The following F8 variants were observed in gnomAD, a reference collection of about 807,000 sequenced individuals.
The protein encoded by F8 is antihemophilic factor.
F8 carries 12 observed loss-of-function variants against 140.6 expected under a neutral mutation model. The ratio of observed to expected loss-of-function variants is 0.09; its 90% CI spans 0.05 to 0.14. F8 has a LOEUF of 0.14. Ranked by LOEUF, F8 falls within the 10% of genes least tolerant of loss-of-function variation. F8 has a pLI of 1.00. For synonymous variants in F8, 585 were observed against 614.6 expected (o/e 0.95, Z 0.71); for missense variants, 1,354 against 1,720.7 (o/e 0.79, Z 3.77).
At chrX:154,878,981 T>C (rs1316616626) in intron 22 of F8, among the ~76,000 whole-genome samples, 1 of 112,344 alleles carries the variant, frequency 8.9e-6, no homozygotes, top group Non-Finnish European at 1.9e-5. Flanking sequence ...TGCTGAAAGA[T>C]ATTAGAGACA....
At chrX:154,984,839 G>T in intron 5 of F8, 36 bp from the exon 6 acceptor site, 1 of 1,051,014 alleles carries the variant, frequency 9.5e-7, no homozygotes, top group Admixed American at 2.2e-5. Flanking sequence ...AGTCAGCTAA[G>T]CATGTGTCTC....
chrX:154,911,042 T>C (rs1463411928), intron 14 of F8, among the ~76,000 whole-genome samples: 1 of 109,332 alleles, frequency 9.1e-6, no homozygotes, highest in East Asian at 2.9e-4. Context: ...GTTCACATGT[T>C]TTCCTGCTGA....
At chrX:154,851,126 G>A (rs2072612093) in intron 25 of F8, among the ~76,000 whole-genome samples, 1 of 111,964 alleles carries the variant, frequency 8.9e-6, no homozygotes, top group Non-Finnish European at 1.9e-5. Flanking sequence ...TGCTATTCTG[G>A]GTATTTCATA....
intron 25 of F8, among the ~76,000 whole-genome samples, chrX:154,848,030 T>C (rs1261786905): frequency 1.8e-5 from 2 of 112,805 alleles, no homozygotes; most frequent in Non-Finnish European, 3.8e-5. Flanking sequence ...TGCAGGTCTG[T>C]TGGAGTTTGC....
intron 16 of F8, 22 bp downstream of exon 16, chrX:154,904,789 A>G: frequency 1.7e-6 from 2 of 1,198,721 alleles, no homozygotes; most frequent in Non-Finnish European, 2.3e-6. Context: ...AAAAGTGGTC[A>G]GCACAATAGA....
intron 4 of F8, among the ~76,000 whole-genome samples, chrX:154,988,969 C>T (rs1557284461): frequency 8.9e-6 from 1 of 112,120 alleles, no homozygotes; most frequent in Non-Finnish European, 1.9e-5. Flanking sequence ...GTAATTTCCA[C>T]CCCTTTTACT....
intron 22 of F8, among the ~76,000 whole-genome samples, chrX:154,866,900 T>C (rs782286249): frequency 1.4e-4 from 15 of 110,336 alleles, no homozygotes; most frequent in Non-Finnish European, 2.7e-4. Context: ...TGGAAATAAC[T>C]GACAAAACTA....
chrX:154,947,839 T>C lies in F8; in HGVS notation c.1972A>G (p.Ile658Val). 1 of 1,210,977 alleles carries C rather than the reference T, an allele frequency of 8.3e-7. No homozygotes were observed. Among genetic ancestry groups the C allele is most frequent in the Non-Finnish European group, 1.1e-6 (1 of 894,846 alleles). Residue 658 changes from isoleucine (I) to valine (V), a missense_variant, in exon 13 of 26, where the codon ATT (isoleucine) becomes GTT (valine). Coordinates refer to ENST00000360256, the MANE Select transcript of F8 (RefSeq NM_000132.4). ...TCAGTCTGTGCTCCAATGCTTAGAA[T>C]GTACCAGTATGCCACCTCATGCAAA... The part of the protein sequence containing the change: ...VCLHEVAYWY[I>V]LSIGAQTDFL...
In F8 at chrX:154,865,492, G is replaced by T. The variant is rs946074001; in HGVS notation, c.6430-2265C>A. On this transcript the variant is annotated intron_variant, in intron 22 of 25. Transcript: ENST00000360256. ...ATTTATAAATTAAAAGACAAAAATA[G>T]TAATAGTAACTATAGTGACAGAAAT... 3.1e-4 allele frequency among the ~76,000 whole-genome samples: 34 copies of T among 110,988 alleles called. 1 individual carries two copies. Among genetic ancestry groups the T allele is most frequent in the Admixed American group, 2.0e-3 (21 of 10,394 alleles).
chrX:154,963,059 C>T (rs2073405004), intron 9 of F8, among the ~76,000 whole-genome samples: 1 of 111,855 alleles, frequency 8.9e-6, no homozygotes, highest in African/African-American at 3.3e-5. Flanking sequence ...GTCATTCTTC[C>T]TATCCATGAG....
At chrX:154,992,034 C>T (rs2073590882) in intron 4 of F8, among the ~76,000 whole-genome samples, 1 of 111,949 alleles carries the variant, frequency 8.9e-6, no homozygotes, top group South Asian at 3.8e-4. Context: ...TATAAGAAGT[C>T]TGGCTACCCT....
intron 13 of F8, among the ~76,000 whole-genome samples, chrX:154,943,774 C>G (rs1339337187): frequency 8.9e-6 from 1 of 111,758 alleles, no homozygotes; most frequent in Non-Finnish European, 1.9e-5. Context: ...AACTATGCTA[C>G]AAGGCTACAG....
intron 1 of F8, 72 bp from the exon 2 acceptor site, chrX:154,999,672 T>A: frequency 8.0e-6 from 9 of 1,126,338 alleles, no homozygotes; most frequent in African/African-American, 7.1e-5. Flanking sequence ...AATGCTTCCA[T>A]ACTACTCTTT....
At chrX:155,021,245 T>C (rs2073758926) in intron 1 of F8, among the ~76,000 whole-genome samples, 1 of 111,250 alleles carries the variant, frequency 9.0e-6, no homozygotes, top group African/African-American at 3.3e-5. Context: ...TATGTGAATA[T>C]ATATTATCAT....
At chrX:154,977,915 G>A (rs2073496547) in intron 6 of F8, among the ~76,000 whole-genome samples, 1 of 110,310 alleles carries the variant, frequency 9.1e-6, no homozygotes, top group Non-Finnish European at 1.9e-5. Flanking sequence ...TCACTTTATA[G>A]TGCCTAATAT....
intron 25 of F8, among the ~76,000 whole-genome samples, chrX:154,840,031 CA>C (rs1557271258): frequency 2.7e-5 from 3 of 111,985 alleles, no homozygotes; most frequent in African/African-American, 9.7e-5. Context: ...TGCATTAAAT[CA>C]GGGGGCATGC....
chrX:154,947,142 G>A (rs1028574649), intron 13 of F8, among the ~76,000 whole-genome samples: 9 of 104,759 alleles, frequency 8.6e-5, no homozygotes, highest in Middle Eastern at 4.9e-3. Flanking sequence ...GGAGAATGGC[G>A]TGAACCCGGG....
chrX:154,967,413 T>G (rs1368309245), intron 7 of F8, among the ~76,000 whole-genome samples: 1 of 111,837 alleles, frequency 8.9e-6, no homozygotes, highest in African/African-American at 3.3e-5. Flanking sequence ...ATAATAATAA[T>G]TCCTGCCCTA....
At chrX:154,850,784 G>A (rs1337324521) in intron 25 of F8, among the ~76,000 whole-genome samples, 4 of 111,425 alleles carry the variant, frequency 3.6e-5, no homozygotes, top group Non-Finnish European at 7.5e-5. Flanking sequence ...GTTTATTTTA[G>A]CATTGTGAAG....
Sources: gnomAD v4.1 joint callset for allele counts (sites outside exome capture counted in the v4.1 genomes callset) on GRCh38, gnomAD v4.1.1 for gene constraint, MANE v1.5 for transcripts, NCBI Gene and HGNC (gene_info 2026-07-23, HGNC 2026-07-21) for gene names.